Variants in SRRM2 observed in about 807,000 individuals in gnomAD.
SRRM2 encodes serine/arginine repetitive matrix protein 2.
A neutral mutation model predicts 213.8 loss-of-function variants in SRRM2; 30 were observed. The observed-to-expected ratio is 0.14, with a 90% CI of 0.10 to 0.19. SRRM2 has a LOEUF of 0.19. Among genes scored for constraint, SRRM2 ranks in the 10% least tolerant of loss-of-function variants. The pLI, the probability that SRRM2 is intolerant of heterozygous loss-of-function variation, is 1.00. For synonymous variants in SRRM2, 2,025 were observed against 1,377.7 expected (o/e 1.47, Z -10.40); for missense variants, 4,904 against 3,647.0 (o/e 1.34, Z -8.88).
chr16:2,770,774 G>A, intron 14 of SRRM2, 57 bp downstream of exon 14: 1 of 1,604,800 alleles, frequency 6.2e-7, no homozygotes, highest in East Asian at 2.2e-5. Flanking sequence ...GTGGTGGGTG[G>A]CGGCCCCATT....
In SRRM2 at chr16:2,767,588, G is replaced by A. The variant is rs561602359; in HGVS notation, c.7060G>A (p.Gly2354Ser). Residue 2354 changes from glycine to serine, a missense_variant, in exon 11 of 15, where the codon GGC (glycine) becomes AGC (serine). Transcript: ENST00000301740. Reference sequence around the variant, plus strand: ...TGCCACAGCTCCTGTGAATATTGCCGGCTCCAGAACCGCCGCAGCCTTGGC... The same window carrying A: ...TGCCACAGCTCCTGTGAATATTGCCAGCTCCAGAACCGCCGCAGCCTTGGC... ...AHATAPVNIA[G>S]SRTAAALAPA... 1.6e-5 allele frequency: 26 copies of A among 1,614,164 alleles called. No individual in the cohort carries two copies. The East Asian group carries it at 2.7e-4, about 17-fold the overall frequency.
chr16:2,757,629 G>GGCTGCT (rs769716307), intron 3 of SRRM2, 50 bp downstream of exon 3: 1 of 1,587,518 alleles, frequency 6.3e-7, no homozygotes, highest in South Asian at 1.1e-5. Context: ...TCTGGCTGCT[G>GGCTGCT]GCTGCTGCTG....
chr16:2,763,975 C>G lies in SRRM2; in HGVS notation c.3447C>G (p.Asp1149Glu), dbSNP rs746591464. 3 of 1,614,186 alleles carry G rather than the reference C, an allele frequency of 1.9e-6. No homozygotes were observed. The highest frequency in any genetic ancestry group is 2.2e-5 in the South Asian group (2 of 91,084). Residue 1149 changes from aspartate to glutamate, a missense_variant, in exon 11 of 15, where the codon GAC becomes GAG. By Grantham distance (45) the Asp-to-Glu change is conservative (BLOSUM62 2). Transcript: ENST00000301740. ...ACTCTTCTTCATATCCTACAGTGGA[C>G]TCGAATTCTCTCTTGGGGCAGAGTA... ...QSDSSSYPTV[D>E]SNSLLGQSRL...
rs778638547 is a variant in SRRM2, at chr16:2,764,233, T to G, written c.3705T>G (p.Asp1235Glu). 1.9e-6 allele frequency: 3 copies of G among 1,614,012 alleles called. No individual in the cohort carries two copies. Among genetic ancestry groups the G allele is most frequent in the African/African-American group, 2.7e-5 (2 of 74,914 alleles). Reference protein sequence around the residue: ...QNSALPTSSQDEELMEVVEKS... With the variant: ...QNSALPTSSQEEELMEVVEKS... ...GTGCATTGCCTACGTCAAGCCAAGA[T>G]GAAGAGTTAATGGAGGTGGTAGAGA... Residue 1235 changes from aspartate to glutamate, a missense_variant, in exon 11 of 15, where the codon GAT (aspartate) becomes GAG (glutamate). Transcript: ENST00000301740.
At position 2,762,885 on chromosome 16, in the gene SRRM2, C is replaced by T. The variant is rs1398460123; in HGVS notation, c.2357C>T (p.Pro786Leu). 1 of 1,614,068 alleles carries T rather than the reference C, an allele frequency of 6.2e-7. No individual in the cohort carries two copies. Among genetic ancestry groups the T allele is most frequent in the African/African-American group, 1.3e-5 (1 of 74,926 alleles). The change falls in exon 11 of 15, where the codon CCT (proline) becomes CTT (leucine). Residue 786 changes from proline (P) to leucine (L), a missense_variant. Coordinates refer to ENST00000301740, the MANE Select transcript of SRRM2 (RefSeq NM_016333.4). ...AGCCTTTCAGGGTCTTCCCCATGCCCTAAACAAAAGTCACAGACACCACCC... is the reference window on the plus strand; with the variant it reads ...AGCCTTTCAGGGTCTTCCCCATGCCTTAAACAAAAGTCACAGACACCACCC... ...RRSLSGSSPC[P>L]KQKSQTPPRR...
rs761673342 is a variant in SRRM2, at chr16:2,771,263, G to C, written c.*396G>C. 4 of 756,848 alleles carry C rather than the reference G, an allele frequency of 5.3e-6. No homozygotes were observed. The highest frequency in any genetic ancestry group is 9.1e-6 in the Non-Finnish European group (4 of 438,788). 46.9% of individuals were successfully genotyped at this position (756,848 alleles called of 1,614,324 possible). On this transcript the variant is annotated 3_prime_UTR_variant, in exon 15 of 15. Coordinates refer to ENST00000301740, the MANE Select transcript of SRRM2 (RefSeq NM_016333.4). Reference sequence around the variant, plus strand: ...AAGGTGTTCTTGGAAGGAAGGGGCAGGAGTTGGAATTAGTTGGTCCCTACT... The same window carrying C: ...AAGGTGTTCTTGGAAGGAAGGGGCACGAGTTGGAATTAGTTGGTCCCTACT...
At position 2,763,265 on chromosome 16, in the gene SRRM2, T is replaced by A. The variant is rs2068426055; in HGVS notation, c.2737T>A (p.Ser913Thr). The change falls in exon 11 of 15, where the codon TCA becomes ACA. Residue 913 changes from serine to threonine, a missense_variant. By Grantham distance (58) the Ser-to-Thr change is moderately conservative. Coordinates refer to ENST00000301740, the MANE Select transcript of SRRM2 (RefSeq NM_016333.4). The part of the protein sequence containing the change: ...TPPRQSPSRS[S>T]SPQPKVKAII... ...TCCCAGACAGAGCCCATCTAGGTCA[T>A]CATCTCCACAACCCAAAGTGAAGGC... is the stretch of plus-strand genomic sequence containing the variant. The A allele has an allele frequency of 6.2e-7, 1 of 1,613,758 alleles. No homozygotes were observed. The highest frequency in any genetic ancestry group is 8.5e-7 in the Non-Finnish European group (1 of 1,180,032).
chr16:2,762,974 C>A lies in SRRM2; in HGVS notation c.2446C>A (p.Arg816Ser). The A allele has an allele frequency of 3.7e-6, 6 of 1,614,078 alleles. No individual in the cohort carries two copies. The highest frequency in any genetic ancestry group is 2.2e-5 in the South Asian group (2 of 91,064). ...ATCTAGAACGCCACCCAGACGCAGT[C>A]GCTCCAGTTCTTCTCCGCCACCTAA... ...AKSRTPPRRS[R>S]SSSSPPPKQK... The change falls in exon 11 of 15, where the codon CGC (arginine) becomes AGC (serine). Residue 816 changes from arginine to serine, a missense_variant. Coordinates refer to ENST00000301740, the MANE Select transcript of SRRM2 (RefSeq NM_016333.4).
chr16:2,771,012 C>CA lies in SRRM2; in HGVS notation c.*145_*146insA. 1.5e-6 allele frequency: 1 copy of CA among 652,554 alleles called. No individual in the cohort carries two copies. Among genetic ancestry groups the CA allele is most frequent in the Non-Finnish European group, 2.2e-6 (1 of 449,756 alleles). 40.4% of individuals were successfully genotyped at this position (652,554 alleles called of 1,614,324 possible). A position where few individuals can be genotyped will look rare whatever the true frequency, so the allele number is the denominator to read the frequency against. On this transcript the variant is annotated 3_prime_UTR_variant, in exon 15 of 15. Transcript: ENST00000301740. The stretch of plus-strand genomic sequence containing the variant: ...GGATGGAGGGCTCCCTTTCCCTCCC[C>CA]TTTTTTTTTTCTTTGTTCCTGTGAA...
intron 9 of SRRM2, 149 bp from the exon 10 acceptor site, chr16:2,760,152 T>A: frequency 2.7e-6 from 2 of 734,880 alleles, no homozygotes; most frequent in Non-Finnish European, 4.5e-6. Flanking sequence ...TACTTGCATT[T>A]CAGTGAATGA....
chr16:2,759,119 T>G, intron 6 of SRRM2, 21 bp from the exon 7 acceptor site: 1 of 1,614,138 alleles, frequency 6.2e-7, no homozygotes, highest in Non-Finnish European at 8.5e-7. Context: ...CTTATGTTTT[T>G]TCTTCTCTTT....
At chr16:2,760,179 A>G (rs2068288581) in intron 9 of SRRM2, 122 bp from the exon 10 acceptor site, 1 of 963,396 alleles carries the variant, frequency 1.0e-6, no homozygotes, top group Non-Finnish European at 1.6e-6. Context: ...TTGTGCGACT[A>G]AAGGCTTTTT....
chr16:2,767,600 G>A lies in SRRM2; in HGVS notation c.7072G>A (p.Ala2358Thr), dbSNP rs776716981. The A allele has an allele frequency of 2.6e-5, 42 of 1,613,980 alleles. No individual in the cohort carries two copies. The Admixed American group carries it at 3.0e-4, about 12-fold the overall frequency. ...APVNIAGSRT[A>T]AALAPASLTS... ...TGTGAATATTGCCGGCTCCAGAACC[G>A]CCGCAGCCTTGGCCCCCGCGAGCCT... is the stretch of plus-strand genomic sequence containing the variant. The change falls in exon 11 of 15, where the codon GCC (alanine) becomes ACC (threonine). Residue 2358 changes from alanine (A) to threonine (T), a missense_variant. Physicochemically the swap from Ala to Thr is moderately conservative, Grantham distance 58. Transcript: ENST00000301740.
rs1400289693 is a variant in SRRM2, at chr16:2,770,692, CG to C, written c.8226del (p.Met2744Ter). The C allele has an allele frequency of 3.0e-5, 47 of 1,557,634 alleles. No homozygotes were observed. The highest frequency in any genetic ancestry group is 4.1e-5 in the Non-Finnish European group (47 of 1,149,698). On this transcript the variant is annotated frameshift_variant, in exon 14 of 15. Transcript: ENST00000301740. LOFTEE classifies it high-confidence loss of function. ...GCGCAGGAGGGAGACACCTAGCCCTCGGCCCATGAGACACCGCTCCTCCAGG... is the reference window on the plus strand; with the variant it reads ...GCGCAGGAGGGAGACACCTAGCCCTCGCCCATGAGACACCGCTCCTCCAGG... ...HKRRRETPSP[R>X]PMRHRSSRSP
rs1285828139 is a variant in SRRM2 at position 2,764,075 on chromosome 16, C to G, written c.3547C>G (p.Gln1183Glu). 1.9e-6 allele frequency: 3 copies of G among 1,614,144 alleles called. No individual in the cohort carries two copies. Among genetic ancestry groups the G allele is most frequent in the Admixed American group, 1.7e-5 (1 of 60,022 alleles). Reference protein sequence around the residue: ...QEDATASPPRQKDKFSPFPVQ... With the variant: ...QEDATASPPREKDKFSPFPVQ... Reference sequence around the variant, plus strand: ...GGATGCTACTGCATCACCTCCTAGACAGAAAGACAAATTTAGTCCCTTTCC... The same window carrying G: ...GGATGCTACTGCATCACCTCCTAGAGAGAAAGACAAATTTAGTCCCTTTCC... The change falls in exon 11 of 15, where the codon CAG becomes GAG. Residue 1183 changes from glutamine to glutamate, a missense_variant. Gln to Glu is a conservative substitution (Grantham distance 29). Transcript: ENST00000301740.
chr16:2,766,886 C>T lies in SRRM2; in HGVS notation c.6358C>T (p.Pro2120Ser), dbSNP rs1280097245. ...TTCCAGAATGAGCTGCTTCAGTCGT[C>T]CTAGCATGTCCCCAACACCTCTTGA... ...NSSRMSCFSR[P>S]SMSPTPLDRC... The change falls in exon 11 of 15, where the codon CCT becomes TCT. Residue 2120 changes from proline (P) to serine (S), a missense_variant. Pro to Ser is a moderately conservative substitution (Grantham distance 74). Transcript: ENST00000301740. The surrounding 1 kb of genome is among the most constrained non-coding windows in gnomAD (Gnocchi z 7.0). The T allele has an allele frequency of 1.2e-6, 2 of 1,614,108 alleles. No homozygotes were observed. Among genetic ancestry groups the T allele is most frequent in the Non-Finnish European group, 8.5e-7 (1 of 1,180,024 alleles).
Position 2,758,509 on chromosome 16 carries a change from A to G in SRRM2, c.555A>G (p.Pro185=), listed in dbSNP as rs770710947. ...CTAGCAGTTCTCGCTCACCAACCCC[A>G]AAGCAGAAGAAGAAGAAAAAGAAGA... The part of the protein sequence containing the change: ...RESSSSRSPT[P]KQKKKKKKKD... Residue 185 remains proline, a synonymous_variant, in exon 5 of 15, where the codon CCA becomes CCG. Transcript: ENST00000301740. 4.3e-6 allele frequency: 7 copies of G among 1,614,140 alleles called. No homozygotes were observed. Among genetic ancestry groups the G allele is most frequent in the Non-Finnish European group, 5.9e-6 (7 of 1,180,030 alleles).
At chr16:2,760,889 A>G (rs1477167898) in intron 10 of SRRM2, 1 of 190,170 alleles carries the variant, frequency 5.3e-6, no homozygotes, top group Non-Finnish European at 1.1e-5. Context: ...TGAATGAAAC[A>G]CTGAAATAGT....
In SRRM2 at chr16:2,764,231, G is replaced by T; in HGVS notation, c.3703G>T (p.Asp1235Tyr). 1 of 1,614,214 alleles carries T rather than the reference G, an allele frequency of 6.2e-7. No homozygotes were observed. ...QNSALPTSSQ[D>Y]EELMEVVEKS... ...TAGTGCATTGCCTACGTCAAGCCAAGATGAAGAGTTAATGGAGGTGGTAGA... is the reference window on the plus strand; with the variant it reads ...TAGTGCATTGCCTACGTCAAGCCAATATGAAGAGTTAATGGAGGTGGTAGA... Residue 1235 changes from aspartate (D) to tyrosine (Y), a missense_variant, in exon 11 of 15, where the codon GAT becomes TAT. Asp to Tyr is a radical substitution (Grantham distance 160, BLOSUM62 -3). Coordinates refer to ENST00000301740, the MANE Select transcript of SRRM2 (RefSeq NM_016333.4).
Sources: allele counts gnomAD v4.1 joint callset, GRCh38; gene constraint gnomAD v4.1.1; non-coding constraint Gnocchi (gnomAD v3.1); transcripts MANE v1.5; gene names NCBI Gene and HGNC (gene_info 2026-07-23, HGNC 2026-07-21).